Variants in CSMD2 observed in about 807,000 individuals in gnomAD.
CSMD2 encodes CUB and Sushi multiple domains 2, also known as CUB and sushi domain-containing protein 2.
A neutral mutation model predicts 398.5 loss-of-function variants in CSMD2; 130 were observed. The observed-to-expected ratio is 0.33, with a 90% confidence interval of 0.28 to 0.38. CSMD2 has a LOEUF of 0.38. Ranked by LOEUF, CSMD2 falls within the 10% of genes least tolerant of loss-of-function variation. The probability of loss-of-function intolerance (pLI) is 1.00; values close to 1 mark genes in which losing one functional copy is unlikely to be tolerated. For synonymous variants in CSMD2, 1,828 were observed against 1,908.5 expected, an observed-to-expected ratio of 0.96 and a Z score of 1.10; for missense variants, 3,829 against 4,764.9, an observed-to-expected ratio of 0.80 and a Z score of 5.78.
At chr1:33,562,532 G>T (rs551486157) in intron 53 of CSMD2, among the ~76,000 whole-genome samples, 3 of 152,154 alleles carry the variant, frequency 2.0e-5, no homozygotes, top group African/African-American at 7.2e-5. Flanking sequence ...GCTAATGAGA[G>T]GGGAGAGGTG....
chr1:33,744,358 T>C (rs1312963783), intron 13 of CSMD2, among the ~76,000 whole-genome samples: 1 of 152,204 alleles, frequency 6.6e-6, no homozygotes, highest in Non-Finnish European at 1.5e-5. Context: ...TGCCACACTA[T>C]GCTAAAGAGG....
chr1:33,642,382 C>CAACA (rs527895888), intron 29 of CSMD2, among the ~76,000 whole-genome samples: 40 of 145,578 alleles, frequency 2.7e-4, no homozygotes, highest in Middle Eastern at 3.5e-3. Flanking sequence ...AAAACAACAA[C>CAACA]AACAAACAAA....
At chr1:33,747,661 G>T (rs1025627041) in intron 13 of CSMD2, among the ~76,000 whole-genome samples, 2 of 152,126 alleles carry the variant, frequency 1.3e-5, no homozygotes, top group African/African-American at 4.8e-5. Flanking sequence ...ATGTATACAG[G>T]TTAATCTCCC....
At chr1:33,842,639 C>CA (rs1333634324) in intron 6 of CSMD2, among the ~76,000 whole-genome samples, 1 of 152,210 alleles carries the variant, frequency 6.6e-6, no homozygotes, top group African/African-American at 2.4e-5. Context: ...TCTGCCCTGG[C>CA]AGTGCTAAAG....
At chr1:34,015,908 C>G (rs1020362037) in intron 3 of CSMD2, among the ~76,000 whole-genome samples, 14 of 152,142 alleles carry the variant, frequency 9.2e-5, no homozygotes, top group African/African-American at 3.1e-4. Context: ...GTGCATGCAC[C>G]TGGGACATGG....
At chr1:33,816,508 A>G (rs1470801557) in intron 9 of CSMD2, among the ~76,000 whole-genome samples, 1 of 152,162 alleles carries the variant, frequency 6.6e-6, no homozygotes, top group Non-Finnish European at 1.5e-5. Flanking sequence ...CTCCACTTGT[A>G]TCTGTTTTAT....
chr1:33,672,167 G>A (rs780835770), intron 25 of CSMD2, among the ~76,000 whole-genome samples: 137 of 152,312 alleles, frequency 9.0e-4, no homozygotes, highest in Admixed American at 3.3e-3. Flanking sequence ...GAAGCAGGGC[G>A]AGGCATCGCC....
intron 1 of CSMD2, among the ~76,000 whole-genome samples, chr1:34,102,655 A>ACCATATCCCTGTGATCCAG (rs1558390653): frequency 0.014 from 1,070 of 75,120 alleles, 53 homozygotes; most frequent in African/African-American, 0.045. Flanking sequence ...CTGTAATCCA[A>ACCATATCCCTGTGATCCAG]CCATATCCCT....
intron 5 of CSMD2, among the ~76,000 whole-genome samples, chr1:33,888,756 TTTGTTGTTGTTGTTG>T (rs140395748): frequency 6.7e-6 from 1 of 148,822 alleles, no homozygotes; most frequent in African/African-American, 2.5e-5. Context: ...TCAACTGATT[TTTGTTGTTGTTGTTG>T]TTGTTGTTGT....
chr1:33,591,847 T>C (rs1267745519), intron 44 of CSMD2: 1 of 153,974 alleles, frequency 6.5e-6, no homozygotes, highest in Non-Finnish European at 1.4e-5. Flanking sequence ...GGTTCATACA[T>C]GAATGATTTG....
Position 33,918,274 on chromosome 1 carries a change from C to T in CSMD2, c.740G>A (p.Arg247Gln), listed in dbSNP as rs368391360. ...GCTGGAGATGATGCCACTCTGGCCC[C>T]GCAGGGTCCCACCACAGGCATCATC... ...RADDACGGTL[R>Q]GQSGIISSPH... The change falls in exon 5 of 71, where the codon CGG becomes CAG. Residue 247 changes from arginine (R) to glutamine (Q), a missense_variant. Transcript: ENST00000373381. 7.4e-6 allele frequency: 12 copies of T among 1,613,926 alleles called. No homozygotes were observed. Among genetic ancestry groups the T allele is most frequent in the South Asian group, 1.1e-5 (1 of 91,066 alleles).
At chr1:33,689,124 G>C (rs1645152685) in intron 25 of CSMD2, among the ~76,000 whole-genome samples, 1 of 150,358 alleles carries the variant, frequency 6.7e-6, no homozygotes, top group Non-Finnish European at 1.5e-5. Flanking sequence ...AAGAAGAAGG[G>C]AAGGGGAGAG....
At chr1:33,786,388 CT>C (rs1043981396) in intron 12 of CSMD2, among the ~76,000 whole-genome samples, 5 of 152,160 alleles carry the variant, frequency 3.3e-5, no homozygotes, top group African/African-American at 9.7e-5. Context: ...CTCCATTCCC[CT>C]TTTCAAAGTA....
At chr1:33,883,682 T>C (rs913196138) in intron 5 of CSMD2, among the ~76,000 whole-genome samples, 3 of 152,176 alleles carry the variant, frequency 2.0e-5, no homozygotes, top group African/African-American at 4.8e-5. Flanking sequence ...ATATGGGAAC[T>C]CTCCAAGCCT....
chr1:33,862,929 T>C (rs1639654096), intron 5 of CSMD2: 1 of 152,152 alleles, frequency 6.6e-6, no homozygotes, highest in African/African-American at 2.4e-5. Context: ...TATGGTCTAG[T>C]CTTAGGCAAG....
At chr1:34,165,326 A>T (rs1641791323), upstream of CSMD2, 3 of 1,189,312 alleles carry the variant, frequency 2.5e-6, no homozygotes, top group Non-Finnish European at 1.0e-6. Flanking sequence ...GGGGGGCGGG[A>T]GGGGGTGAAT....
intron 44 of CSMD2, among the ~76,000 whole-genome samples, chr1:33,591,320 GA>G (rs545850320): frequency 1.2e-4 from 19 of 152,190 alleles, no homozygotes; most frequent in African/African-American, 3.6e-4. Context: ...AATTAGCTTA[GA>G]AAAAAATGTG....
chr1:34,038,066 T>C (rs1180994448), intron 2 of CSMD2, among the ~76,000 whole-genome samples: 8 of 152,142 alleles, frequency 5.3e-5, no homozygotes, highest in Admixed American at 1.3e-4. Flanking sequence ...GGGGAGGGGA[T>C]GGGAAATTGA....
intron 3 of CSMD2, among the ~76,000 whole-genome samples, chr1:33,940,508 T>C (rs1644632972): frequency 6.6e-6 from 1 of 151,906 alleles, no homozygotes; most frequent in African/African-American, 2.4e-5. Context: ...ACCTGAAACA[T>C]ACCAGGCACT....
Sources: gnomAD v4.1 joint callset for allele counts (sites outside exome capture counted in the v4.1 genomes callset) on GRCh38, gnomAD v4.1.1 for gene constraint, MANE v1.5 for transcripts, NCBI Gene and HGNC (gene_info 2026-07-23, HGNC 2026-07-21) for gene names.